Variants in SIK3 observed in about 807,000 individuals in gnomAD.
The protein encoded by SIK3 is serine/threonine-protein kinase SIK3.
SIK3 carries 28 observed loss-of-function variants against 144.2 expected under a neutral mutation model. The ratio of observed to expected loss-of-function variants is 0.19; its 90% CI spans 0.14 to 0.27. The LOEUF (loss-of-function observed/expected upper bound fraction) is 0.27. Ranked by LOEUF, SIK3 falls within the 10% of genes least tolerant of loss-of-function variation. The pLI is 1.00. For missense variants in SIK3, 1,319 were observed against 1,776.0 expected (o/e 0.74, Z 4.62); for synonymous variants, 686 against 676.3 (o/e 1.01, Z -0.22).
intron 1 of SIK3, among the ~76,000 whole-genome samples, chr11:116,989,938 T>C (rs1188242297): frequency 2.0e-5 from 3 of 150,888 alleles, no homozygotes; most frequent in African/African-American, 5.0e-5. Flanking sequence ...TCAAGTCTAA[T>C]AGAACAATTT....
At chr11:116,996,177 G>A (rs957600895) in intron 1 of SIK3, among the ~76,000 whole-genome samples, 12 of 152,008 alleles carry the variant, frequency 7.9e-5, no homozygotes, top group Non-Finnish European at 1.0e-4. Flanking sequence ...GTGTGGTGGT[G>A]TGTGCCTATA....
chr11:116,965,608 G>A (rs965657813), intron 1 of SIK3, among the ~76,000 whole-genome samples: 1 of 151,054 alleles, frequency 6.6e-6, no homozygotes, highest in Non-Finnish European at 1.5e-5. Context: ...AAAAGAGAGG[G>A]AAGAGGCCAG....
intron 1 of SIK3, among the ~76,000 whole-genome samples, chr11:117,072,347 C>A (rs963739679): frequency 2.6e-5 from 4 of 151,970 alleles, no homozygotes; most frequent in African/African-American, 9.7e-5. Flanking sequence ...CAGATCATGC[C>A]ACGGCACTCC....
At chr11:116,938,044 A>C (rs1398073064) in intron 3 of SIK3, among the ~76,000 whole-genome samples, 1 of 151,846 alleles carries the variant, frequency 6.6e-6, no homozygotes, top group African/African-American at 2.4e-5. Flanking sequence ...GTCTCAACTA[A>C]AAATACAAAA....
chr11:117,048,959 G>C (rs912795099), intron 1 of SIK3, among the ~76,000 whole-genome samples: 5 of 151,944 alleles, frequency 3.3e-5, no homozygotes, highest in Non-Finnish European at 1.5e-5. Flanking sequence ...AAATTAGCTG[G>C]GCGTGGTGGC....
intron 6 of SIK3, among the ~76,000 whole-genome samples, chr11:116,880,999 C>T (rs1356646586): frequency 6.6e-6 from 1 of 152,082 alleles, no homozygotes; most frequent in East Asian, 1.9e-4. Flanking sequence ...TGGTACACAC[C>T]TGTAATCCCA....
At position 116,954,476 on chromosome 11, in the gene SIK3, C is replaced by CAA. The variant is rs375861538; in HGVS notation, c.391-371_391-370dup. Reference sequence around the variant, plus strand: ...GAAGCACAAAAATGCCCTATCAAATCAAAAAAAAAAAAACTAAAGCAAAAA... The same window carrying CAA: ...GAAGCACAAAAATGCCCTATCAAATCAAAAAAAAAAAAAAACTAAAGCAAAAA... On this transcript the variant is annotated intron_variant, in intron 2 of 24. Coordinates refer to ENST00000445177, the MANE Select transcript of SIK3 (RefSeq NM_001366686.3). Among the ~76,000 whole-genome samples, 830 of 125,066 alleles carry CAA rather than the reference C, an allele frequency of 6.6e-3. 7 individuals are homozygous for CAA. The highest frequency in any genetic ancestry group is 0.054 in the East Asian group (231 of 4,264). The allele number at this position is 125,066 out of a possible 152,430, so 82.0% of individuals were successfully genotyped here. A position where few individuals can be genotyped will look rare whatever the true frequency, so the allele number is the denominator to read the frequency against.
intron 1 of SIK3, among the ~76,000 whole-genome samples, chr11:117,086,978 G>C (rs1650341900): frequency 7.0e-6 from 1 of 143,254 alleles, no homozygotes; most frequent in African/African-American, 2.6e-5. Flanking sequence ...CTGGACAACA[G>C]AGCGAGACTC....
chr11:116,846,010 G>A lies in SIK3; in HGVS notation c.*13+373C>T, dbSNP rs955351505. ...TTTCCTGCCAGGTTTTGTCTTTTAG[G>A]ACTGAGTTTAAGGACTTCCTCCTTT... On this transcript the variant is annotated intron_variant, in intron 24 of 24. Coordinates refer to ENST00000445177, the MANE Select transcript of SIK3 (RefSeq NM_001366686.3). This position sits in a 1 kb window ranked among gnomAD's most constrained non-coding sequence, Gnocchi z 4.1. Among the ~76,000 whole-genome samples the A allele has an allele frequency of 1.3e-5, 2 of 152,148 alleles. No individual in the cohort carries two copies. The highest frequency in any genetic ancestry group is 4.1e-4 in the South Asian group (2 of 4,832).
At chr11:116,920,631 G>A (rs1000012303) in intron 4 of SIK3, among the ~76,000 whole-genome samples, 2 of 152,268 alleles carry the variant, frequency 1.3e-5, no homozygotes, top group South Asian at 4.1e-4. Flanking sequence ...ATTAACACTT[G>A]CTGGAATTCT....
intron 1 of SIK3, among the ~76,000 whole-genome samples, chr11:116,973,451 ACT>A (rs1949835207): frequency 6.6e-6 from 1 of 152,192 alleles, no homozygotes; most frequent in African/African-American, 2.4e-5. Flanking sequence ...ATTCCAGCAA[ACT>A]CTGTGTAAAC....
intron 1 of SIK3, among the ~76,000 whole-genome samples, chr11:116,974,800 G>A (rs1949889640): frequency 6.6e-6 from 1 of 152,160 alleles, no homozygotes. Flanking sequence ...TTACAGTGTG[G>A]TGCTGGGAAA....
intron 6 of SIK3, among the ~76,000 whole-genome samples, chr11:116,884,145 A>G (rs1944689677): frequency 2.6e-5 from 4 of 152,154 alleles, no homozygotes; most frequent in Admixed American, 2.6e-4. Flanking sequence ...ATTTTGACAT[A>G]TTACTGCTAT....
chr11:116,901,776 T>C (rs913799055), intron 4 of SIK3, among the ~76,000 whole-genome samples: 4 of 152,226 alleles, frequency 2.6e-5, no homozygotes, highest in African/African-American at 9.6e-5. Context: ...ATGTTGACTA[T>C]GAACAAAACT....
In SIK3 at chr11:117,049,218, T is replaced by C. The variant is rs148355434; in HGVS notation, c.273+48925A>G. ...TAATATATTTATAAAAAGTAGTTGA[T>C]TCCAACCACCTCCATAAACACCATA... On this transcript the variant is annotated intron_variant, in intron 1 of 24. Transcript: ENST00000445177. Among the ~76,000 whole-genome samples, 41 of 152,302 alleles carry C rather than the reference T, an allele frequency of 2.7e-4. No homozygotes were observed. The East Asian group carries it at 6.7e-3, about 25-fold the overall frequency.
chr11:117,009,056 G>T (rs753654983), intron 1 of SIK3, among the ~76,000 whole-genome samples: 1 of 150,958 alleles, frequency 6.6e-6, no homozygotes, highest in Non-Finnish European at 1.5e-5. Context: ...CCAACATGGC[G>T]AAACCCCATC....
intron 1 of SIK3, among the ~76,000 whole-genome samples, chr11:117,042,701 C>T (rs564674904): frequency 5.8e-4 from 88 of 152,232 alleles, no homozygotes; most frequent in African/African-American, 2.0e-3. Flanking sequence ...AGCCAACTGG[C>T]TAAAATGCTA....
intron 1 of SIK3, among the ~76,000 whole-genome samples, chr11:117,088,891 A>C (rs1204906455): frequency 6.6e-6 from 1 of 152,110 alleles, no homozygotes; most frequent in Non-Finnish European, 1.5e-5. Flanking sequence ...TATGTTGCCC[A>C]GGCTGGTCTC....
intron 1 of SIK3, among the ~76,000 whole-genome samples, chr11:116,995,094 CTTGT>C (rs766615507): frequency 1 from 151,883 of 151,892 alleles, 75,937 homozygotes; most frequent in Middle Eastern, 1. Flanking sequence ...ATAGTGAAAC[CTTGT>C]CTCTACAAAA....
Sources: gnomAD v4.1 joint callset for allele counts (sites outside exome capture counted in the v4.1 genomes callset) on GRCh38, gnomAD v4.1.1 for gene constraint, Gnocchi (gnomAD v3.1) non-coding constraint, MANE v1.5 for transcripts, NCBI Gene and HGNC (gene_info 2026-07-23, HGNC 2026-07-21) for gene names.